PTPRN2: variants seen among roughly 807,000 people sequenced by gnomAD.
PTPRN2 encodes the protein protein tyrosine phosphatase receptor type N2.
Under a neutral mutation model 118.8 loss-of-function variants are expected in PTPRN2, and 74 were observed. The ratio of observed to expected loss-of-function variants is 0.62; its 90% confidence interval spans 0.52 to 0.76. The LOEUF is 0.76. Ranked by LOEUF, PTPRN2 falls within the 30% of genes least tolerant of loss-of-function variation. PTPRN2 has a pLI of 0.00. For synonymous variants in PTPRN2, 641 were observed against 608.0 expected, an observed-to-expected ratio of 1.05 and a Z score of -0.80; for missense variants, 1,481 against 1,394.4, an observed-to-expected ratio of 1.06 and a Z score of -0.99.
At chr7:158,148,710 C>G (rs1235983444) in intron 6 of PTPRN2, among the ~76,000 whole-genome samples, 1 of 81,076 alleles carries the variant, frequency 1.2e-5, no homozygotes, top group African/African-American at 4.9e-5. Flanking sequence ...CAATGACACC[C>G]CATCTCACGC....
intron 11 of PTPRN2, among the ~76,000 whole-genome samples, chr7:158,071,191 A>C (rs376076757): frequency 3.4e-4 from 2 of 5,798 alleles, no homozygotes; most frequent in African/African-American, 8.6e-4. Flanking sequence ...GGAGGTGCTC[A>C]TGGTGGTGGA....
chr7:158,535,861 C>T (rs1000706346), intron 1 of PTPRN2, among the ~76,000 whole-genome samples: 4 of 150,468 alleles, frequency 2.7e-5, no homozygotes, highest in Non-Finnish European at 5.9e-5. Flanking sequence ...TATAAAATGT[C>T]TAAGTTTTCC....
At chr7:158,152,697 C>T (rs925653277) in intron 6 of PTPRN2, among the ~76,000 whole-genome samples, 1 of 152,218 alleles carries the variant, frequency 6.6e-6, no homozygotes, top group African/African-American at 2.4e-5. Flanking sequence ...CACTCCCATC[C>T]TGTGCCTATA....
chr7:158,508,535 T>C (rs1822938261), intron 1 of PTPRN2, among the ~76,000 whole-genome samples: 1 of 151,880 alleles, frequency 6.6e-6, no homozygotes, highest in Admixed American at 6.5e-5. Context: ...TCCAGGGGTG[T>C]GGTGAAGGCA....
At chr7:158,485,607 C>T (rs1348072918) in intron 2 of PTPRN2, among the ~76,000 whole-genome samples, 4 of 126,552 alleles carry the variant, frequency 3.2e-5, no homozygotes, top group Non-Finnish European at 6.8e-5. Flanking sequence ...CCCCTCTCTG[C>T]GCCCCGCCTG....
intron 3 of PTPRN2, among the ~76,000 whole-genome samples, chr7:158,274,658 C>T (rs1798842452): frequency 6.6e-6 from 1 of 152,182 alleles, no homozygotes; most frequent in Non-Finnish European, 1.5e-5. Context: ...GGCCGCGTGG[C>T]TTCCTGCTGC....
intron 11 of PTPRN2, among the ~76,000 whole-genome samples, chr7:157,978,361 T>G (rs868751478): frequency 4.7e-4 from 71 of 151,970 alleles, no homozygotes; most frequent in African/African-American, 1.7e-3. Flanking sequence ...AGCCAAACAC[T>G]TCCTCCTAGA....
chr7:157,734,906 G>C (rs1800212432), intron 12 of PTPRN2, among the ~76,000 whole-genome samples: 1 of 152,216 alleles, frequency 6.6e-6, no homozygotes, highest in Non-Finnish European at 1.5e-5. Context: ...ATGTCGACGT[G>C]GGAGGCAAGT....
At chr7:158,340,166 C>G (rs377159407) in intron 2 of PTPRN2, among the ~76,000 whole-genome samples, 85 of 27,088 alleles carry the variant, frequency 3.1e-3, no homozygotes, top group South Asian at 5.8e-3. Context: ...CACCATAAGA[C>G]CTGACACTCG....
intron 6 of PTPRN2, among the ~76,000 whole-genome samples, chr7:158,144,543 C>T (rs984452882): frequency 6.6e-5 from 10 of 152,116 alleles, no homozygotes; most frequent in African/African-American, 2.4e-4. Context: ...GGAGACTAAA[C>T]CAGGAGAATT....
At chr7:157,793,911 G>A (rs1023374717) in intron 12 of PTPRN2, among the ~76,000 whole-genome samples, 4 of 152,078 alleles carry the variant, frequency 2.6e-5, no homozygotes, top group African/African-American at 4.8e-5. Flanking sequence ...TGCCTCCCTC[G>A]GCCCCCTCTC....
intron 2 of PTPRN2, among the ~76,000 whole-genome samples, chr7:158,410,984 A>AGACACAG (rs1814029531): frequency 6.6e-6 from 1 of 152,172 alleles, no homozygotes; most frequent in South Asian, 2.1e-4. Flanking sequence ...CCAGACATGG[A>AGACACAG]GCGTGAGTAG....
chr7:158,047,684 C>T (rs1268333868), intron 11 of PTPRN2, among the ~76,000 whole-genome samples: 1 of 152,246 alleles, frequency 6.6e-6, no homozygotes, highest in Non-Finnish European at 1.5e-5. Flanking sequence ...CGTTTCAGAG[C>T]CGATGGCATG....
intron 12 of PTPRN2, among the ~76,000 whole-genome samples, chr7:157,767,727 A>G (rs1333196058): frequency 6.6e-6 from 1 of 152,166 alleles, no homozygotes; most frequent in Non-Finnish European, 1.5e-5. Context: ...CTCCTCTTAG[A>G]AACGCTGTGT....
At chr7:157,928,518 C>T (rs774234167) in intron 11 of PTPRN2, among the ~76,000 whole-genome samples, 3 of 152,048 alleles carry the variant, frequency 2.0e-5, no homozygotes, top group Non-Finnish European at 4.4e-5. Flanking sequence ...CCACTGTACC[C>T]AAAGGAACTG....
intron 5 of PTPRN2, among the ~76,000 whole-genome samples, chr7:158,189,017 T>C (rs1225526758): frequency 4.6e-5 from 7 of 152,186 alleles, no homozygotes; most frequent in Non-Finnish European, 7.3e-5. Context: ...ATCCTGTCTC[T>C]GGCAGGAACT....
At chr7:157,571,823 G>A (rs560950224) in intron 19 of PTPRN2, among the ~76,000 whole-genome samples, 2 of 152,274 alleles carry the variant, frequency 1.3e-5, no homozygotes, top group African/African-American at 4.8e-5. Flanking sequence ...TTCTGCTTAT[G>A]TTGACTTGAC....
chr7:158,314,815 C>T (rs1802159760), intron 3 of PTPRN2, among the ~76,000 whole-genome samples: 1 of 152,274 alleles, frequency 6.6e-6, no homozygotes, highest in African/African-American at 2.4e-5. Context: ...CACTACACAC[C>T]ACCCATGCTG....
In PTPRN2 at chr7:158,022,182, C is replaced by T. The variant is rs892621512; in HGVS notation, c.1723+59116G>A. 2.6e-5 allele frequency among the ~76,000 whole-genome samples: 4 copies of T among 152,212 alleles called. No homozygotes were observed. The highest frequency in any genetic ancestry group is 2.1e-4 in the South Asian group (1 of 4,828). On this transcript the variant is annotated intron_variant, in intron 11 of 22. Transcript: ENST00000389418. This position sits in a 1 kb window ranked among gnomAD's most constrained non-coding sequence, Gnocchi z 4.6. ...CTTCCACAGACATGGTGAGAGGAGA[C>T]ATTCAAGGATGAATTTAAATTGTGA...
Sources: allele counts gnomAD v4.1 joint callset (sites outside exome capture counted in the v4.1 genomes callset), GRCh38; gene constraint gnomAD v4.1.1; non-coding constraint Gnocchi (gnomAD v3.1); transcripts MANE v1.5; gene names NCBI Gene and HGNC (gene_info 2026-07-23, HGNC 2026-07-21).